AK8: variants seen among roughly 807,000 people sequenced by gnomAD.
The protein encoded by AK8 is ATP-AMP transphosphorylase 8.
A neutral mutation model predicts 54.6 loss-of-function variants in AK8; 44 were observed. The ratio of observed to expected loss-of-function variants is 0.81; its 90% CI spans 0.63 to 1.04. The LOEUF is 1.04. Ranked by LOEUF, AK8 falls within the 50% of genes least tolerant of loss-of-function variation. AK8 has a pLI of 0.00. For missense variants in AK8, 555 were observed against 613.6 expected (o/e 0.90, Z 1.01); for synonymous variants, 239 against 245.6 (o/e 0.97, Z 0.25).
intron 9 of AK8, among the ~76,000 whole-genome samples, chr9:132,817,396 G>T (rs2809253): frequency 0.91 from 138,067 of 152,276 alleles, 62,797 homozygotes; most frequent in African/African-American, 0.97. Context: ...AAACAGGCCA[G>T]AGAATCAGAT....
intron 11 of AK8, among the ~76,000 whole-genome samples, chr9:132,785,495 T>A (rs1167055043): frequency 6.6e-6 from 1 of 152,226 alleles, no homozygotes; most frequent in Non-Finnish European, 1.5e-5. Context: ...TTGAAGAGAC[T>A]ATTAGAACTA....
At chr9:132,757,063 A>G (rs1229315992) in intron 11 of AK8, among the ~76,000 whole-genome samples, 1 of 152,226 alleles carries the variant, frequency 6.6e-6, no homozygotes, top group Non-Finnish European at 1.5e-5. Flanking sequence ...ATCGCATTCC[A>G]GTTTGGTGCT....
intron 5 of AK8, among the ~76,000 whole-genome samples, chr9:132,833,103 T>A (rs1041269313): frequency 6.6e-5 from 10 of 152,232 alleles, no homozygotes; most frequent in African/African-American, 2.4e-4. Flanking sequence ...CTGGTCCACC[T>A]GGAAGGGAGG....
intron 9 of AK8, among the ~76,000 whole-genome samples, chr9:132,817,590 A>C (rs889949608): frequency 2.0e-5 from 3 of 152,252 alleles, no homozygotes; most frequent in Non-Finnish European, 2.9e-5. Flanking sequence ...ACAGTATCTT[A>C]AATGAAACAA....
At chr9:132,769,738 T>C (rs566480731) in intron 11 of AK8, 101 of 152,276 alleles carry the variant, frequency 6.6e-4, no homozygotes, top group African/African-American at 2.4e-3. Context: ...CCATTCCTGG[T>C]AGGTAATCAG....
chr9:132,750,002 T>TC (rs879482499), intron 11 of AK8, among the ~76,000 whole-genome samples: 2,206 of 150,400 alleles, frequency 0.015, 50 homozygotes, highest in East Asian at 0.059. Flanking sequence ...GACAGCACAC[T>TC]CTTGGAGATA....
At position 132,809,568 on chromosome 9, in the gene AK8, C is replaced by G. The variant is rs1033829009; in HGVS notation, c.979+5070G>C. On this transcript the variant is annotated intron_variant, in intron 10 of 12. Transcript: ENST00000298545. ...AGCGTGGGGGCCCATCTCCCTGTCC[C>G]CACCACTGGAGTATGGCCATACAAT... is the stretch of plus-strand genomic sequence containing the variant. Among the ~76,000 whole-genome samples the G allele has an allele frequency of 3.3e-5, 5 of 152,328 alleles. 1 individual carries two copies. The highest frequency in any genetic ancestry group is 1.9e-4 in the East Asian group (1 of 5,176).
intron 11 of AK8, among the ~76,000 whole-genome samples, chr9:132,745,414 A>G (rs1247153877): frequency 1.3e-5 from 2 of 152,052 alleles, no homozygotes; most frequent in Non-Finnish European, 2.9e-5. Flanking sequence ...AAATACTTCA[A>G]TTGTGTGCGT....
Position 132,856,526 on chromosome 9 carries a change from A to G in AK8, c.334-1601T>C, listed in dbSNP as rs542336402. Among the ~76,000 whole-genome samples the G allele has an allele frequency of 3.9e-5, 6 of 152,164 alleles. No homozygotes were observed. In the East Asian group the frequency reaches 1.2e-3, roughly 29 times the overall value. ...GTCACCCTCCTGCCCTTCTGCCTGTATGGTCTGGGTGCGCTCAAGTCCATC... is the reference window on the plus strand; with the variant it reads ...GTCACCCTCCTGCCCTTCTGCCTGTGTGGTCTGGGTGCGCTCAAGTCCATC... On this transcript the variant is annotated intron_variant, in intron 4 of 12. Transcript: ENST00000298545.
chr9:132,809,341 T>C (rs1322689134), intron 10 of AK8, among the ~76,000 whole-genome samples: 1 of 152,202 alleles, frequency 6.6e-6, no homozygotes, highest in Non-Finnish European at 1.5e-5. Flanking sequence ...CAGGTCCTTC[T>C]GGTTGCAGGG....
intron 5 of AK8, among the ~76,000 whole-genome samples, chr9:132,835,564 C>G (rs542763259): frequency 6.6e-5 from 10 of 152,354 alleles, no homozygotes; most frequent in South Asian, 6.2e-4. Flanking sequence ...GCTTTGGAAC[C>G]AGATGACCTG....
chr9:132,804,104 CAA>C (rs200556575), intron 10 of AK8, among the ~76,000 whole-genome samples: 1,491 of 93,082 alleles, frequency 0.016, 13 homozygotes, highest in African/African-American at 0.054. Context: ...GACTCCATCT[CAA>C]AAAAAAAAAA....
intron 5 of AK8, among the ~76,000 whole-genome samples, chr9:132,839,818 G>GC (rs1321124749): frequency 1.0e-5 from 1 of 98,742 alleles, no homozygotes. Context: ...CATTTTTTTT[G>GC]CCGGGGGGGG....
rs532791451 is a variant in AK8 at position 132,757,817 on chromosome 9, A to C, written c.1122-30283T>G. On this transcript the variant is annotated intron_variant, in intron 11 of 12. Coordinates refer to ENST00000298545, the MANE Select transcript of AK8 (RefSeq NM_152572.3). Reference sequence around the variant, plus strand: ...GGTAATATAGCCATTCCTGAAAGAAAACATTTAGGGATATTTTAAATCCAT... The same window carrying C: ...GGTAATATAGCCATTCCTGAAAGAACACATTTAGGGATATTTTAAATCCAT... 5.9e-5 allele frequency among the ~76,000 whole-genome samples: 9 copies of C among 152,358 alleles called. No individual in the cohort carries two copies. The East Asian group carries it at 1.7e-3, about 29-fold the overall frequency.
intron 11 of AK8, among the ~76,000 whole-genome samples, chr9:132,734,872 A>C (rs1201322840): frequency 6.6e-6 from 1 of 152,196 alleles, no homozygotes; most frequent in Non-Finnish European, 1.5e-5. Flanking sequence ...TCTACTAAAA[A>C]ATACAAAAAT....
chr9:132,855,305 G>A (rs1254097799), intron 4 of AK8, among the ~76,000 whole-genome samples: 1 of 152,148 alleles, frequency 6.6e-6, no homozygotes. Flanking sequence ...GGAGAACTCT[G>A]TCACTGCACT....
intron 8 of AK8, among the ~76,000 whole-genome samples, chr9:132,824,849 A>T (rs960334434): frequency 1.3e-5 from 2 of 152,194 alleles, no homozygotes; most frequent in African/African-American, 4.8e-5. Flanking sequence ...CATCAATGGC[A>T]TGTACTAATT....
chr9:132,727,387 G>T (rs2130926976), intron 12 of AK8, 67 bp downstream of exon 12: 9 of 1,422,642 alleles, frequency 6.3e-6, no homozygotes, highest in Middle Eastern at 1.8e-4. Context: ...CCATGGCATT[G>T]GTCAGTCAGT....
intron 11 of AK8, among the ~76,000 whole-genome samples, chr9:132,737,794 C>T (rs1487931860): frequency 1.3e-5 from 2 of 152,236 alleles, no homozygotes; most frequent in African/African-American, 4.8e-5. Context: ...TAAACACTTT[C>T]TCCCTAAAAT....
Sources: gnomAD v4.1 joint callset for allele counts (sites outside exome capture counted in the v4.1 genomes callset) on GRCh38, gnomAD v4.1.1 for gene constraint, MANE v1.5 for transcripts, NCBI Gene and HGNC (gene_info 2026-07-23, HGNC 2026-07-21) for gene names.